The following ATF7IP2 variants were observed in gnomAD, a reference collection of about 807,000 sequenced individuals.
ATF7IP2 encodes the protein activating transcription factor 7-interacting protein 2.
Under a neutral mutation model 64.2 loss-of-function variants are expected in ATF7IP2, and 42 were observed. The ratio of observed to expected loss-of-function variants is 0.65; its 90% CI spans 0.51 to 0.85. The LOEUF (loss-of-function observed/expected upper bound fraction) is 0.85. Ranked by LOEUF, ATF7IP2 falls within the 40% of genes least tolerant of loss-of-function variation. The pLI is 0.00. For synonymous variants in ATF7IP2, 308 were observed against 272.8 expected (o/e 1.13, Z -1.27); for missense variants, 933 against 784.2 (o/e 1.19, Z -2.27).
intron 2 of ATF7IP2, among the ~76,000 whole-genome samples, chr16:10,415,375 C>T (rs1026223331): frequency 9.9e-5 from 15 of 152,120 alleles, no homozygotes; most frequent in Admixed American, 5.9e-4. Flanking sequence ...CAAACATTTG[C>T]GAGAAGACAG....
At chr16:10,433,443 G>T (rs1346354714) in intron 5 of ATF7IP2, 82 bp from the exon 6 acceptor site, 6 of 1,319,364 alleles carry the variant, frequency 4.5e-6, no homozygotes, top group Middle Eastern at 2.6e-4. Flanking sequence ...CCAGAGTGCT[G>T]GGATTACAGA....
chr16:10,387,824 T>TCCCCCCCCCCCCCCCCCCC (rs5815573), intron 1 of ATF7IP2: 24 of 130,652 alleles, frequency 1.8e-4, no homozygotes, highest in African/African-American at 3.6e-4. Context: ...TCTATTTTAC[T>TCCCCCCCCCCCCCCCCCCC]CCCCCCCCCT....
chr16:10,466,542 CTCTT>C (rs1299999285), intron 9 of ATF7IP2, among the ~76,000 whole-genome samples: 1 of 152,018 alleles, frequency 6.6e-6, no homozygotes, highest in African/African-American at 2.4e-5. Flanking sequence ...TTGGTGGTAT[CTCTT>C]TCTTTTTAGC....
chr16:10,458,970 G>C lies in ATF7IP2; in HGVS notation c.1352+1441G>C, dbSNP rs186000467. Among the ~76,000 whole-genome samples the C allele has an allele frequency of 5.3e-5, 8 of 152,188 alleles. No homozygotes were observed. In the East Asian group the frequency reaches 1.5e-3, roughly 29 times the overall value. ...GGAGGCTGAGGCAGGTGGATCACTT[G>C]AGGTCAGGAGTTTGAGACCAGCCTG... On this transcript the variant is annotated intron_variant, in intron 9 of 13. Coordinates refer to ENST00000562102, the MANE Select transcript of ATF7IP2 (RefSeq NM_001393719.1).
At chr16:10,437,501 G>A (rs563103706) in intron 6 of ATF7IP2, among the ~76,000 whole-genome samples, 16 of 152,040 alleles carry the variant, frequency 1.1e-4, no homozygotes, top group East Asian at 1.9e-4. Context: ...GCTCTTTTGC[G>A]TATTACCTTA....
At chr16:10,434,241 C>T (rs1020000340) in intron 6 of ATF7IP2, among the ~76,000 whole-genome samples, 4 of 152,154 alleles carry the variant, frequency 2.6e-5, no homozygotes, top group African/African-American at 4.8e-5. Flanking sequence ...TCTCAGTATG[C>T]GTTTGATCAA....
intron 9 of ATF7IP2, among the ~76,000 whole-genome samples, chr16:10,462,586 A>T (rs2049410972): frequency 6.6e-6 from 1 of 152,066 alleles, no homozygotes; most frequent in African/African-American, 2.4e-5. Flanking sequence ...TTGCTTTTTC[A>T]AAGATAAGTC....
At chr16:10,473,894 C>CTTTTTTTTTT (rs56766112) in intron 11 of ATF7IP2, 29 bp from the exon 12 acceptor site, 46 of 1,044,324 alleles carry the variant, frequency 4.4e-5, no homozygotes, top group South Asian at 1.2e-4. Context: ...TGAGGCAAAG[C>CTTTTTTTTTT]TTTTTTTTTT....
At chr16:10,450,196 C>T (rs1276957020) in intron 8 of ATF7IP2, among the ~76,000 whole-genome samples, 1 of 151,818 alleles carries the variant, frequency 6.6e-6, no homozygotes, top group Non-Finnish European at 1.5e-5. Flanking sequence ...GTTAGGATTC[C>T]CATTCTTGTG....
At chr16:10,397,358 A>T (rs1297528654) in intron 1 of ATF7IP2, among the ~76,000 whole-genome samples, 1 of 152,088 alleles carries the variant, frequency 6.6e-6, no homozygotes, top group Non-Finnish European at 1.5e-5. Flanking sequence ...TGTATTTTTG[A>T]TTTCTATGAA....
In ATF7IP2 at chr16:10,437,968, C is replaced by T. The variant is rs2048477816; in HGVS notation, c.961-133C>T. ...AAACTTACTGGTATAGTTATATAAACATACAAATATAAATAAACTATATTT... is the reference window on the plus strand; with the variant it reads ...AAACTTACTGGTATAGTTATATAAATATACAAATATAAATAAACTATATTT... On this transcript the variant is annotated intron_variant, in intron 6 of 13. Transcript: ENST00000562102. 4 of 603,938 alleles carry T rather than the reference C, an allele frequency of 6.6e-6. No individual in the cohort carries two copies. In the East Asian group the frequency reaches 1.4e-4, roughly 22 times the overall value. 37.4% of individuals were successfully genotyped at this position (603,938 alleles called of 1,614,324 possible).
intron 1 of ATF7IP2, among the ~76,000 whole-genome samples, chr16:10,401,941 G>A (rs543785271): frequency 2.0e-5 from 3 of 151,924 alleles, no homozygotes; most frequent in African/African-American, 7.3e-5. Context: ...TATTTCTGTG[G>A]TATCAGCTGT....
At chr16:10,420,525 G>A (rs1009021693) in intron 3 of ATF7IP2, among the ~76,000 whole-genome samples, 2 of 152,184 alleles carry the variant, frequency 1.3e-5, no homozygotes, top group Admixed American at 1.3e-4. Flanking sequence ...GCATTAACAT[G>A]GGTTAAATTG....
At chr16:10,456,632 T>C (rs777138504) in intron 8 of ATF7IP2, among the ~76,000 whole-genome samples, 7 of 152,240 alleles carry the variant, frequency 4.6e-5, no homozygotes, top group Non-Finnish European at 8.8e-5. Flanking sequence ...CCCAGTGCCA[T>C]TGGGTGGGAA....
chr16:10,415,585 G>A (rs2047856396), intron 2 of ATF7IP2, among the ~76,000 whole-genome samples: 1 of 152,120 alleles, frequency 6.6e-6, no homozygotes, highest in Non-Finnish European at 1.5e-5. Context: ...ATAAGCCTTG[G>A]TAATCAAATG....
intron 3 of ATF7IP2, among the ~76,000 whole-genome samples, chr16:10,419,881 C>A (rs1358177841): frequency 6.6e-6 from 1 of 152,234 alleles, no homozygotes; most frequent in East Asian, 1.9e-4. Context: ...CATCTCTCCA[C>A]CAAACCAGTT....
intron 2 of ATF7IP2, among the ~76,000 whole-genome samples, chr16:10,417,728 C>T (rs1205853711): frequency 6.6e-6 from 1 of 152,106 alleles, no homozygotes; most frequent in Admixed American, 6.6e-5. Flanking sequence ...ACAGTCTTCT[C>T]CAAGAATAAC....
Position 10,446,277 on chromosome 16 carries a change from G to A in ATF7IP2, c.1194+5815G>A, listed in dbSNP as rs1380795202. 3 of 152,196 alleles carry A rather than the reference G, an allele frequency of 2.0e-5. No individual in the cohort carries two copies. The South Asian group carries it at 6.2e-4, about 31-fold the overall frequency. The allele number at this position is 152,196 out of a possible 1,614,324, so 9.4% of individuals were successfully genotyped here. ...TGGATCTCCAGTCAAGAAACCTGCT[G>A]GGTTAAGTGAATCATCAGTGGATAG... On this transcript the variant is annotated intron_variant, in intron 8 of 13. Transcript: ENST00000562102.
intron 8 of ATF7IP2, chr16:10,446,641 GACA>G (rs1452459834): frequency 6.6e-6 from 1 of 152,184 alleles, no homozygotes; most frequent in Non-Finnish European, 1.5e-5. Flanking sequence ...GTCCGAATGA[GACA>G]ACAATATTTT....
Sources: gnomAD v4.1 joint callset for allele counts (sites outside exome capture counted in the v4.1 genomes callset) on GRCh38, gnomAD v4.1.1 for gene constraint, MANE v1.5 for transcripts, NCBI Gene and HGNC (gene_info 2026-07-23, HGNC 2026-07-21) for gene names.